The following PSD3 variants were observed in gnomAD, a reference collection of about 807,000 sequenced individuals.
The protein encoded by PSD3 is pleckstrin and Sec7 domain containing 3, also known as PH and SEC7 domain-containing protein 3.
In PSD3, 49 loss-of-function variants were observed where a neutral mutation model predicts 105.5. That is an observed-to-expected ratio of 0.46 (90% CI 0.37 to 0.59). The LOEUF (loss-of-function observed/expected upper bound fraction) is 0.59, where lower values mean the gene tolerates loss of function less well. PSD3 is among the 20% of genes least tolerant of loss of function. PSD3 has a pLI of 0.00. For synonymous variants in PSD3, 557 were observed against 457.8 expected, an observed-to-expected ratio of 1.22 and a Z score of -2.77; for missense variants, 1,561 against 1,263.8, an observed-to-expected ratio of 1.24 and a Z score of -3.57.
At chr8:18,890,320 GCTT>G (rs371496490) in intron 2 of PSD3, among the ~76,000 whole-genome samples, 12 of 151,998 alleles carry the variant, frequency 7.9e-5, no homozygotes, top group African/African-American at 2.7e-4. Context: ...CCAATTTAAG[GCTT>G]ATAAAAATTG....
At chr8:18,564,466 T>C (rs1279822704) in intron 14 of PSD3, among the ~76,000 whole-genome samples, 1 of 151,896 alleles carries the variant, frequency 6.6e-6, no homozygotes, top group African/African-American at 2.4e-5. Flanking sequence ...CCGTCTCTAC[T>C]AAAAATAAAC....
intron 2 of PSD3, among the ~76,000 whole-genome samples, chr8:18,920,789 T>C (rs1820960121): frequency 6.6e-6 from 1 of 152,106 alleles, no homozygotes; most frequent in Non-Finnish European, 1.5e-5. Flanking sequence ...TCACCACCTA[T>C]TAAAGGCTAG....
rs557594628 is a variant in PSD3 at position 18,915,084 on chromosome 8, G to A, written c.130+20950C>T. On this transcript the variant is annotated intron_variant, in intron 2 of 15. Coordinates refer to ENST00000327040, the MANE Select transcript of PSD3 (RefSeq NM_015310.4). Reference sequence around the variant, plus strand: ...ATTGATCTTTGACAAAGGTATCAAGGACACACAATGGGGAAAGAACATCAA... The same window carrying A: ...ATTGATCTTTGACAAAGGTATCAAGAACACACAATGGGGAAAGAACATCAA... 2.6e-3 allele frequency among the ~76,000 whole-genome samples: 392 copies of A among 151,916 alleles called. 1 individual carries two copies. The highest frequency in any genetic ancestry group is 0.012 in the South Asian group (55 of 4,768).
At chr8:19,061,737 G>A (rs1042987494) in intron 1 of PSD3, among the ~76,000 whole-genome samples, 18 of 151,710 alleles carry the variant, frequency 1.2e-4, no homozygotes, top group African/African-American at 3.1e-4. Flanking sequence ...CCCAGGAGGC[G>A]GAGGTTGCAA....
At chr8:18,930,470 TA>T (rs1821668692) in intron 2 of PSD3, among the ~76,000 whole-genome samples, 1 of 152,230 alleles carries the variant, frequency 6.6e-6, no homozygotes, top group Non-Finnish European at 1.5e-5. Flanking sequence ...TACAAGTCTT[TA>T]CATTGGCATA....
At chr8:18,952,639 A>G (rs895923143) in intron 1 of PSD3, among the ~76,000 whole-genome samples, 2 of 152,344 alleles carry the variant, frequency 1.3e-5, no homozygotes, top group Middle Eastern at 3.4e-3. Context: ...GACTGTTAGA[A>G]TAACAGTTCC....
chr8:18,928,181 G>C (rs910358699), intron 2 of PSD3, among the ~76,000 whole-genome samples: 8 of 152,200 alleles, frequency 5.3e-5, no homozygotes, highest in Non-Finnish European at 8.8e-5. Context: ...GCCAGGTGGA[G>C]ATAATGGAAT....
chr8:18,725,373 T>C (rs1448253025), intron 9 of PSD3, among the ~76,000 whole-genome samples: 1 of 152,200 alleles, frequency 6.6e-6, no homozygotes, highest in East Asian at 1.9e-4. Flanking sequence ...AACTGAATAT[T>C]ATAGATTTCC....
chr8:18,720,688 C>A (rs1802912118), intron 9 of PSD3, among the ~76,000 whole-genome samples: 1 of 152,232 alleles, frequency 6.6e-6, no homozygotes, highest in South Asian at 2.1e-4. Flanking sequence ...ATCCTCCCTG[C>A]CTGGCCACCC....
At chr8:18,661,712 C>T (rs1011615379) in intron 9 of PSD3, among the ~76,000 whole-genome samples, 1 of 151,942 alleles carries the variant, frequency 6.6e-6, no homozygotes, top group Non-Finnish European at 1.5e-5. Flanking sequence ...TCTTAAGTGG[C>T]AAAGGGCAAT....
intron 1 of PSD3, among the ~76,000 whole-genome samples, chr8:18,949,883 T>C (rs1237754205): frequency 6.6e-6 from 1 of 152,250 alleles, no homozygotes; most frequent in Non-Finnish European, 1.5e-5. Flanking sequence ...CATCATATTT[T>C]AAATTTTAAT....
intron 9 of PSD3, among the ~76,000 whole-genome samples, chr8:18,697,396 T>C (rs1273425559): frequency 6.6e-6 from 1 of 152,104 alleles, no homozygotes; most frequent in Non-Finnish European, 1.5e-5. Flanking sequence ...CTCAAAACAT[T>C]TTCTCTTAAA....
chr8:18,675,047 T>C (rs1000154910), intron 9 of PSD3, among the ~76,000 whole-genome samples: 1 of 128,076 alleles, frequency 7.8e-6, no homozygotes, highest in South Asian at 2.6e-4. Flanking sequence ...CATCAATCTA[T>C]ATAAATCTGC....
intron 1 of PSD3, among the ~76,000 whole-genome samples, chr8:19,078,414 A>G (rs1020821021): frequency 6.6e-6 from 1 of 152,204 alleles, no homozygotes; most frequent in African/African-American, 2.4e-5. Flanking sequence ...AGTAATGTAT[A>G]ATTTAATCTC....
At chr8:18,827,497 T>C (rs973997603) in intron 4 of PSD3, among the ~76,000 whole-genome samples, 3 of 152,104 alleles carry the variant, frequency 2.0e-5, no homozygotes, top group African/African-American at 7.2e-5. Flanking sequence ...GTACGAAAAA[T>C]GGCCAGATTC....
chr8:18,824,268 G>C (rs1183714722), intron 4 of PSD3, among the ~76,000 whole-genome samples: 1 of 152,174 alleles, frequency 6.6e-6, no homozygotes, highest in Non-Finnish European at 1.5e-5. Context: ...TTAACCACAT[G>C]TATCTGTCTT....
intron 12 of PSD3, among the ~76,000 whole-genome samples, chr8:18,583,259 T>C (rs531099351): frequency 5.3e-5 from 8 of 152,158 alleles, no homozygotes; most frequent in Admixed American, 5.2e-4. Context: ...GGTAACGAAG[T>C]GAGATCCCGT....
intron 1 of PSD3, among the ~76,000 whole-genome samples, chr8:19,075,014 C>T (rs375232662): frequency 6.6e-6 from 1 of 151,368 alleles, no homozygotes; most frequent in Non-Finnish European, 1.5e-5. Context: ...GGTGCAGTCT[C>T]AGCTCACTAC....
chr8:18,661,594 A>C (rs1207586152), intron 9 of PSD3, among the ~76,000 whole-genome samples: 1 of 152,194 alleles, frequency 6.6e-6, no homozygotes, highest in Non-Finnish European at 1.5e-5. Context: ...GCTTCTCCAA[A>C]ACTAGGATTT....
Sources: allele counts gnomAD v4.1 joint callset (sites outside exome capture counted in the v4.1 genomes callset), GRCh38; gene constraint gnomAD v4.1.1; transcripts MANE v1.5; gene names NCBI Gene and HGNC (gene_info 2026-07-23, HGNC 2026-07-21).